Variants in MTOR observed in about 807,000 individuals in gnomAD.
MTOR encodes serine/threonine-protein kinase mTOR.
MTOR carries 70 observed loss-of-function variants against 319.8 expected under a neutral mutation model. The observed-to-expected ratio is 0.22, with a 90% CI of 0.18 to 0.27. The LOEUF (loss-of-function observed/expected upper bound fraction) is 0.27, where lower values mean the gene tolerates loss of function less well. Among genes scored for constraint, MTOR ranks in the 10% least tolerant of loss-of-function variants. The pLI is 1.00. For synonymous variants in MTOR, 1,183 were observed against 1,211.4 expected (o/e 0.98, Z 0.49); for missense variants, 1,890 against 3,274.4 (o/e 0.58, Z 10.32).
chr1:11,139,076 C>A (rs1643566337), intron 36 of MTOR: 1 of 532,304 alleles, frequency 1.9e-6, no homozygotes, highest in South Asian at 3.1e-5. Flanking sequence ...ATACATATAA[C>A]TGTGATCACA....
chr1:11,134,533 C>A, intron 36 of MTOR, 67 bp from the exon 37 acceptor site: 2 of 1,373,212 alleles, frequency 1.5e-6, no homozygotes, highest in South Asian at 1.2e-5. Flanking sequence ...AGGGAGCTAC[C>A]GTTCATCTGA....
At chr1:11,193,939 C>G (rs537471147) in intron 28 of MTOR, among the ~76,000 whole-genome samples, 22 of 62,962 alleles carry the variant, frequency 3.5e-4, no homozygotes, top group African/African-American at 2.1e-3. Flanking sequence ...AGGTATTTTT[C>G]CTTTCTGCAA....
chr1:11,220,959 G>GAACTATGTTAAT (rs1553122216), intron 19 of MTOR, among the ~76,000 whole-genome samples: 1 of 151,980 alleles, frequency 6.6e-6, no homozygotes, highest in Non-Finnish European at 1.5e-5. Context: ...TCTAGCTCTG[G>GAACTATGTTAAT]AACTATGTTA....
chr1:11,120,497 C>T (rs1227864738), intron 49 of MTOR, among the ~76,000 whole-genome samples: 1 of 151,132 alleles, frequency 6.6e-6, no homozygotes, highest in Non-Finnish European at 1.5e-5. Flanking sequence ...GAGATCTTGC[C>T]ACTGCACTCC....
At chr1:11,126,559 G>C in intron 46 of MTOR, 63 bp downstream of exon 46, 2 of 1,537,762 alleles carry the variant, frequency 1.3e-6, no homozygotes, top group Non-Finnish European at 1.8e-6. Context: ...TTCAGAAGAG[G>C]GAAGGGGTCT....
chr1:11,160,114 T>TTTAAC (rs1298768508), intron 29 of MTOR, among the ~76,000 whole-genome samples: 12 of 151,940 alleles, frequency 7.9e-5, no homozygotes, highest in Non-Finnish European at 1.5e-4. Flanking sequence ...ATTTATTTAA[T>TTTAAC]TTTGAGGCAG....
rs754441995 is a variant in MTOR, at chr1:11,127,717, T to G, written c.6123A>C (p.Glu2041Asp). The change falls in exon 44 of 58, where the codon GAA becomes GAC. Residue 2041 changes from glutamate (E) to aspartate (D), a missense_variant. By Grantham distance (45) the Glu-to-Asp change is conservative (BLOSUM62 2). Transcript: ENST00000361445. The surrounding 1 kb of genome is among the most constrained non-coding windows in gnomAD (Gnocchi z 5.5). ...LEEASRLYFGERNVKGMFEVL... is the reference protein window; with the variant it reads ...LEEASRLYFGDRNVKGMFEVL... ...CCTCAAACATGCCTTTCACGTTCCT[T>G]TCCCCAAAGTACAAACGAGATGCCT... is the stretch of plus-strand genomic sequence containing the variant. 6.2e-7 allele frequency: 1 copy of G among 1,614,140 alleles called. No homozygotes were observed. The highest frequency in any genetic ancestry group is 8.5e-7 in the Non-Finnish European group (1 of 1,180,036).
At chr1:11,145,377 A>C in intron 32 of MTOR, 1 of 281,494 alleles carries the variant, frequency 3.6e-6, no homozygotes, top group Non-Finnish European at 6.8e-6. Context: ...CTGGGGATCT[A>C]CCTTTTTTTT....
In MTOR at chr1:11,230,719, G is replaced by C. The variant is rs146344275; in HGVS notation, c.2779+206C>G. Among the ~76,000 whole-genome samples, 29 of 152,318 alleles carry C rather than the reference G, an allele frequency of 1.9e-4. 1 individual carries two copies. The highest frequency in any genetic ancestry group is 5.3e-4 in the African/African-American group (22 of 41,580). On this transcript the variant is annotated intron_variant, in intron 18 of 57. Transcript: ENST00000361445. ...ATGCCAACCCTTGACAAAGAATCTA[G>C]ACAGACATGAGGACTCTGGCCACAA...
intron 26 of MTOR, among the ~76,000 whole-genome samples, chr1:11,201,350 C>T (rs906939048): frequency 6.6e-6 from 1 of 152,112 alleles, no homozygotes; most frequent in African/African-American, 2.4e-5. Context: ...ATGATATCTC[C>T]ACACTACGGA....
At chr1:11,153,643 G>C (rs952020166) in intron 30 of MTOR, among the ~76,000 whole-genome samples, 2 of 152,120 alleles carry the variant, frequency 1.3e-5, no homozygotes, top group Non-Finnish European at 2.9e-5. Flanking sequence ...TTGTCCAATA[G>C]AGCTTTCTGT....
intron 29 of MTOR, 106 bp downstream of exon 29, chr1:11,167,336 A>G: frequency 2.4e-6 from 2 of 841,474 alleles, no homozygotes; most frequent in Non-Finnish European, 4.0e-6. Flanking sequence ...ACTGTTATGA[A>G]TTGGAGAAAA....
chr1:11,127,002 G>A lies in MTOR; in HGVS notation c.6351+8C>T, dbSNP rs2100400726. 1 of 1,614,100 alleles carries A rather than the reference G, an allele frequency of 6.2e-7. No homozygotes were observed. The highest frequency in any genetic ancestry group is 1.1e-5 in the South Asian group (1 of 91,066). ...CAGTTAACCCTGCCAGGAGCCTGAA[G>A]ATCCTACCTGAGGCAGCTGCTTTGA... On this transcript the variant is annotated splice_region_variant and intron_variant, in intron 45 of 57. Coordinates refer to ENST00000361445, the MANE Select transcript of MTOR (RefSeq NM_004958.4). This position sits in a 1 kb window ranked among gnomAD's most constrained non-coding sequence, Gnocchi z 5.5.
chr1:11,251,161 C>CT (rs1649619103), intron 6 of MTOR, among the ~76,000 whole-genome samples: 1 of 29,070 alleles, frequency 3.4e-5, no homozygotes, highest in Admixed American at 7.3e-4. Flanking sequence ...ATGTGATATG[C>CT]CCCTCCTTCC....
At chr1:11,174,563 G>A (rs940908797) in intron 28 of MTOR, among the ~76,000 whole-genome samples, 2 of 152,198 alleles carry the variant, frequency 1.3e-5, no homozygotes, top group African/African-American at 4.8e-5. Flanking sequence ...TGAAAATGCA[G>A]GAGTTCACAG....
intron 54 of MTOR, among the ~76,000 whole-genome samples, chr1:11,111,931 G>T (rs1416008186): frequency 6.7e-6 from 1 of 148,706 alleles, no homozygotes; most frequent in Non-Finnish European, 1.5e-5. Context: ...AGAGGGGAGG[G>T]CTAAACAAAG....
At chr1:11,221,738 T>C (rs116278259) in intron 19 of MTOR, among the ~76,000 whole-genome samples, 7,502 of 148,188 alleles carry the variant, frequency 0.051, 264 homozygotes, top group South Asian at 0.12. Flanking sequence ...CATATATATA[T>C]TCTATATATA....
intron 6 of MTOR, among the ~76,000 whole-genome samples, chr1:11,250,120 G>A (rs1276937740): frequency 1.4e-5 from 2 of 147,290 alleles, no homozygotes; most frequent in East Asian, 2.1e-4. Flanking sequence ...CAGTAGGGGC[G>A]GCCGGGCAGA....
chr1:11,194,678 G>A (rs774185284), intron 28 of MTOR: 14 of 1,613,828 alleles, frequency 8.7e-6, no homozygotes, highest in Middle Eastern at 1.6e-4. Context: ...TGGGGGGACC[G>A]GAAAGGAGAA....
Sources: gnomAD v4.1 joint callset for allele counts (sites outside exome capture counted in the v4.1 genomes callset) on GRCh38, gnomAD v4.1.1 for gene constraint, Gnocchi (gnomAD v3.1) non-coding constraint, MANE v1.5 for transcripts, NCBI Gene and HGNC (gene_info 2026-07-23, HGNC 2026-07-21) for gene names.